The following DCDC1 variants were observed in gnomAD, a reference collection of about 807,000 sequenced individuals.
DCDC1 encodes the protein doublecortin domain containing 1, also known as doublecortin domain-containing protein 1.
A neutral mutation model predicts 178.3 loss-of-function variants in DCDC1; 200 were observed. The observed-to-expected ratio is 1.12, with a 90% confidence interval of 1.00 to 1.26. The LOEUF is 1.26. Among genes scored for constraint, DCDC1 ranks in the 50% most tolerant of loss-of-function variants. The pLI is 0.00. For synonymous variants in DCDC1, 690 were observed against 604.8 expected, an observed-to-expected ratio of 1.14 and a Z score of -2.07; for missense variants, 1,983 against 1,749.2, an observed-to-expected ratio of 1.13 and a Z score of -2.38.
At chr11:31,119,862 A>T (rs1960541778) in intron 11 of DCDC1, among the ~76,000 whole-genome samples, 1 of 152,196 alleles carries the variant, frequency 6.6e-6, no homozygotes, top group Admixed American at 6.5e-5. Flanking sequence ...ATGGAATTGT[A>T]GTAAAAAGGT....
chr11:30,951,292 A>G (rs1463424362), intron 21 of DCDC1, among the ~76,000 whole-genome samples: 1 of 152,100 alleles, frequency 6.6e-6, no homozygotes, highest in Non-Finnish European at 1.5e-5. Flanking sequence ...ATGACAGCTG[A>G]CCTCTCCATA....
At chr11:31,063,818 A>G (rs1956100206) in intron 20 of DCDC1, among the ~76,000 whole-genome samples, 1 of 152,204 alleles carries the variant, frequency 6.6e-6, no homozygotes. Context: ...ATTTCAGTCA[A>G]CAGTAATTTC....
At chr11:31,129,719 C>G (rs990618578) in intron 10 of DCDC1, among the ~76,000 whole-genome samples, 2 of 151,928 alleles carry the variant, frequency 1.3e-5, no homozygotes, top group African/African-American at 2.4e-5. Flanking sequence ...TTTGGATTAA[C>G]AAAATACCTA....
intron 20 of DCDC1, among the ~76,000 whole-genome samples, chr11:30,955,799 C>G (rs966202385): frequency 6.6e-6 from 1 of 152,172 alleles, no homozygotes; most frequent in Admixed American, 6.6e-5. Flanking sequence ...TGTGCTTGCC[C>G]TCAACCCATT....
intron 38 of DCDC1, among the ~76,000 whole-genome samples, chr11:30,868,214 G>A (rs899447727): frequency 3.3e-5 from 5 of 150,860 alleles, no homozygotes; most frequent in African/African-American, 1.2e-4. Context: ...TAGAGGGGGA[G>A]GGGTGCATCC....
At chr11:31,140,780 G>A (rs1159694571) in intron 9 of DCDC1, among the ~76,000 whole-genome samples, 1 of 152,078 alleles carries the variant, frequency 6.6e-6, no homozygotes, top group African/African-American at 2.4e-5. Flanking sequence ...ATCCACAAAG[G>A]TGTACCTGAA....
Position 31,265,538 on chromosome 11 carries a change from C to G in DCDC1, c.1023G>C (p.Leu341Phe), listed in dbSNP as rs145398981. 1 of 1,450,042 alleles carries G rather than the reference C, an allele frequency of 6.9e-7. No individual in the cohort carries two copies. Among genetic ancestry groups the G allele is most frequent in the Non-Finnish European group, 9.1e-7 (1 of 1,096,120 alleles). 89.8% of individuals were successfully genotyped at this position (1,450,042 alleles called of 1,614,324 possible). A position where few individuals can be genotyped will look rare whatever the true frequency, so the allele number is the denominator to read the frequency against. Residue 341 changes from leucine to phenylalanine, a missense_variant, in exon 8 of 39, where the codon TTG becomes TTC. Physicochemically the swap from Leu to Phe is conservative, Grantham distance 22. Transcript: ENST00000684477. The part of the protein sequence containing the change: ...LNLPARYFYD[L>F]YGRKIEDISK... Reference sequence around the variant, plus strand: ...AAATATCTTCAATTTTTCTGCCATACAAATCATAAAAATATCTGGCTGGTA... The same window carrying G: ...AAATATCTTCAATTTTTCTGCCATAGAAATCATAAAAATATCTGGCTGGTA...
intron 20 of DCDC1, among the ~76,000 whole-genome samples, chr11:31,060,877 G>A (rs1325707025): frequency 6.6e-6 from 1 of 152,034 alleles, no homozygotes; most frequent in East Asian, 1.9e-4. Flanking sequence ...AAGCTCATGA[G>A]ATATTAAAGC....
intron 7 of DCDC1, among the ~76,000 whole-genome samples, chr11:31,286,373 T>A (rs1946836516): frequency 6.6e-6 from 1 of 152,052 alleles, no homozygotes; most frequent in South Asian, 2.1e-4. Context: ...ATTATATTAT[T>A]CATAGCATAT....
intron 20 of DCDC1, among the ~76,000 whole-genome samples, chr11:31,027,836 A>G (rs1953341048): frequency 6.6e-6 from 1 of 151,892 alleles, no homozygotes; most frequent in African/African-American, 2.4e-5. Flanking sequence ...TCAAATGACA[A>G]AATGGCATGA....
At chr11:30,943,549 C>T in intron 21 of DCDC1, 1 of 380,506 alleles carries the variant, frequency 2.6e-6, no homozygotes. Context: ...ACCACAATTC[C>T]TTCCTTGAAT....
At chr11:31,103,301 C>T (rs894236552) in intron 14 of DCDC1, among the ~76,000 whole-genome samples, 2 of 152,144 alleles carry the variant, frequency 1.3e-5, no homozygotes, top group East Asian at 1.9e-4. Context: ...AACACTCACA[C>T]AGAACATATT....
chr11:30,881,245 T>TG lies in DCDC1; in HGVS notation c.5145dup (p.Ser1716GlnfsTer100), dbSNP rs764102217. 2 of 1,613,450 alleles carry TG rather than the reference T, an allele frequency of 1.2e-6. No individual in the cohort carries two copies. The highest frequency in any genetic ancestry group is 1.3e-5 in the African/African-American group (1 of 74,902). On this transcript the variant is annotated frameshift_variant, in exon 37 of 39. Transcript: ENST00000684477. LOFTEE classifies it high-confidence loss of function. ...TCCCAGGACTGAATTGGCTCTCCAC[T>TG]GGGGGTGTACAGTGCTCTAGCTGGG...
intron 9 of DCDC1, among the ~76,000 whole-genome samples, chr11:31,174,765 T>C (rs1359468070): frequency 6.6e-6 from 1 of 152,060 alleles, no homozygotes; most frequent in East Asian, 1.9e-4. Context: ...GGAGAGGAGC[T>C]ACCCACTCCA....
chr11:31,205,087 T>A (rs1389684073), intron 9 of DCDC1, among the ~76,000 whole-genome samples: 1 of 152,232 alleles, frequency 6.6e-6, no homozygotes, highest in Non-Finnish European at 1.5e-5. Flanking sequence ...TTAGTCACAC[T>A]GTGAAACCTT....
At chr11:31,329,413 C>CT (rs1416580064) in intron 2 of DCDC1, among the ~76,000 whole-genome samples, 1 of 151,900 alleles carries the variant, frequency 6.6e-6, no homozygotes, top group Non-Finnish European at 1.5e-5. Context: ...TATTACTATA[C>CT]TTTAAGTTCC....
chr11:31,366,479 A>G (rs1951963033), intron 1 of DCDC1, among the ~76,000 whole-genome samples: 1 of 152,196 alleles, frequency 6.6e-6, no homozygotes, highest in South Asian at 2.1e-4. Context: ...AGGACTTGCT[A>G]TGAAAGTTGA....
At chr11:31,249,616 T>C (rs759740789) in intron 8 of DCDC1, among the ~76,000 whole-genome samples, 3 of 152,144 alleles carry the variant, frequency 2.0e-5, no homozygotes, top group Non-Finnish European at 4.4e-5. Flanking sequence ...GAGCAGCATC[T>C]TTCCGACACA....
chr11:31,264,470 G>A (rs1945007207), intron 8 of DCDC1, among the ~76,000 whole-genome samples: 1 of 152,118 alleles, frequency 6.6e-6, no homozygotes, highest in Non-Finnish European at 1.5e-5. Context: ...AGAGAACAGA[G>A]TACAATGGTT....
Sources: allele counts gnomAD v4.1 joint callset (sites outside exome capture counted in the v4.1 genomes callset), GRCh38; gene constraint gnomAD v4.1.1; transcripts MANE v1.5; gene names NCBI Gene and HGNC (gene_info 2026-07-23, HGNC 2026-07-21).